The following FBLN7 variants were observed in gnomAD, a reference collection of about 807,000 sequenced individuals.
The protein encoded by FBLN7 is fibulin 7, also known as fibulin-7.
A neutral mutation model predicts 44.0 loss-of-function variants in FBLN7; 31 were observed. The ratio of observed to expected loss-of-function variants is 0.70; its 90% CI spans 0.53 to 0.95. The LOEUF (loss-of-function observed/expected upper bound fraction) is 0.95, where lower values mean the gene tolerates loss of function less well. Among genes scored for constraint, FBLN7 ranks in the 40% least tolerant of loss-of-function variants. FBLN7 has a pLI of 0.00. For missense variants in FBLN7, 573 were observed against 618.5 expected (o/e 0.93, Z 0.78); for synonymous variants, 262 against 253.4 (o/e 1.03, Z -0.32).
the FBLN7 span, among the ~76,000 whole-genome samples, chr2:112,221,405 A>G: frequency 1.3e-5 from 2 of 152,172 alleles, no homozygotes; most frequent in African/African-American, 4.8e-5. Context: ...ACCTTCTGCC[A>G]TGTCTGTAAG....
intron 4 of FBLN7, among the ~76,000 whole-genome samples, chr2:112,180,601 G>A (rs766338507): frequency 3.9e-5 from 6 of 152,102 alleles, no homozygotes; most frequent in Non-Finnish European, 5.9e-5. Context: ...CTAAATGCTC[G>A]TCAATAACAG....
intron 1 of FBLN7, among the ~76,000 whole-genome samples, chr2:112,151,117 G>A (rs1681138860): frequency 6.6e-6 from 1 of 152,204 alleles, no homozygotes; most frequent in African/African-American, 2.4e-5. Flanking sequence ...GGTGGGTGTA[G>A]CCTGGGGAGG....
intron 2 of FBLN7, among the ~76,000 whole-genome samples, chr2:112,163,848 C>T (rs959969958): frequency 6.6e-6 from 1 of 152,198 alleles, no homozygotes; most frequent in South Asian, 2.1e-4. Flanking sequence ...AACTACTTTC[C>T]ACCTCGTCCA....
At chr2:112,219,898 TA>T in the FBLN7 span, among the ~76,000 whole-genome samples, 1 of 152,228 alleles carries the variant, frequency 6.6e-6, no homozygotes, top group Non-Finnish European at 1.5e-5. Context: ...TGTGGTTATT[TA>T]AGTCACTTCA....
At chr2:112,192,947 T>C (rs986965406), downstream of FBLN7, among the ~76,000 whole-genome samples, 2 of 152,088 alleles carry the variant, frequency 1.3e-5, no homozygotes, top group African/African-American at 4.8e-5. Flanking sequence ...GGACAGAAAA[T>C]AGATGTGTAA....
chr2:112,181,620 A>G (rs1309492250), intron 4 of FBLN7, 119 bp from the exon 5 acceptor site: 23 of 1,210,998 alleles, frequency 1.9e-5, no homozygotes, highest in Non-Finnish European at 2.3e-5. Context: ...CCTACTCCAG[A>G]GTAAGCCCTT....
intron 1 of FBLN7, among the ~76,000 whole-genome samples, chr2:112,150,556 T>C (rs72831615): frequency 0.057 from 8,607 of 152,170 alleles, 339 homozygotes; most frequent in African/African-American, 0.11. Context: ...TCCACAACTA[T>C]GTCCTGAGAG....
the FBLN7 span, among the ~76,000 whole-genome samples, chr2:112,230,231 G>A: frequency 6.6e-6 from 1 of 152,072 alleles, no homozygotes; most frequent in Non-Finnish European, 1.5e-5. Flanking sequence ...TAAAGTACTG[G>A]CAAGTGTAGA....
intron 4 of FBLN7, among the ~76,000 whole-genome samples, chr2:112,179,666 T>C (rs1042182503): frequency 5.3e-5 from 8 of 152,072 alleles, no homozygotes; most frequent in African/African-American, 1.9e-4. Flanking sequence ...TGGAACGGAA[T>C]AGAGAGCACA....
At chr2:112,140,064 C>G (rs1193823985) in intron 1 of FBLN7, among the ~76,000 whole-genome samples, 109 of 88,904 alleles carry the variant, frequency 1.2e-3, no homozygotes, top group Non-Finnish European at 1.8e-3. Flanking sequence ...CCTCTCTCCA[C>G]GCCAGCGTCC....
Position 112,187,642 on chromosome 2 carries a change from C to A in FBLN7, c.*136C>A. Reference sequence around the variant, plus strand: ...CAGTGCACCCAGGCTTCTAGGGCAGCGTTGCACGGCGCCCCATGGAATAGC... The same window carrying A: ...CAGTGCACCCAGGCTTCTAGGGCAGAGTTGCACGGCGCCCCATGGAATAGC... On this transcript the variant is annotated 3_prime_UTR_variant, in exon 8 of 8. Coordinates refer to ENST00000331203, the MANE Select transcript of FBLN7 (RefSeq NM_153214.3). The surrounding 1 kb of genome is among the most constrained non-coding windows in gnomAD (Gnocchi z 5.1). 1 of 1,184,332 alleles carries A rather than the reference C, an allele frequency of 8.4e-7. No individual in the cohort carries two copies. Among genetic ancestry groups the A allele is most frequent in the Non-Finnish European group, 1.2e-6 (1 of 842,082 alleles). The allele number at this position is 1,184,332 out of a possible 1,614,324, so 73.4% of individuals were successfully genotyped here. A position where few individuals can be genotyped will look rare whatever the true frequency, so the allele number is the denominator to read the frequency against.
In FBLN7 at chr2:112,181,701, C is replaced by A. The variant is rs371149020; in HGVS notation, c.533-38C>A. On this transcript the variant is annotated intron_variant, in intron 4 of 7. Transcript: ENST00000331203. ...CCCAAGGTCGGGCCCACGGCAGGTG[C>A]GCCAGGGCCCGGCACTGAGCGTGTC... 26 of 1,351,642 alleles carry A rather than the reference C, an allele frequency of 1.9e-5. No homozygotes were observed. The South Asian group carries it at 2.7e-4, about 14-fold the overall frequency. The allele number at this position is 1,351,642 out of a possible 1,614,324, so 83.7% of individuals were successfully genotyped here.
At chr2:112,139,531 T>C (rs374228484) in intron 1 of FBLN7, among the ~76,000 whole-genome samples, 2 of 114 alleles carry the variant, frequency 0.018, no homozygotes, top group African/African-American at 0.083. Context: ...TCTCTCCAGG[T>C]CAGCGTCCCT....
At chr2:112,186,352 C>T (rs188309825) in intron 7 of FBLN7, among the ~76,000 whole-genome samples, 1 of 152,278 alleles carries the variant, frequency 6.6e-6, no homozygotes, top group Non-Finnish European at 1.5e-5. Context: ...TGAGAATACA[C>T]GTGATGGCCA....
the FBLN7 span, among the ~76,000 whole-genome samples, chr2:112,222,969 A>G: frequency 6.6e-6 from 1 of 152,238 alleles, no homozygotes; most frequent in African/African-American, 2.4e-5. Context: ...CTTTTAAAGT[A>G]TCCATCTATT....
At chr2:112,177,535 A>T (rs62158714) in intron 4 of FBLN7, 1 of 152,094 alleles carries the variant, frequency 6.6e-6, no homozygotes, top group African/African-American at 2.4e-5. Flanking sequence ...ATGATAAAAC[A>T]TATATATAAC....
the FBLN7 span, chr2:112,233,167 A>G: frequency 2.8e-6 from 2 of 720,122 alleles, no homozygotes; most frequent in Non-Finnish European, 4.4e-6. Flanking sequence ...TCATTTTGGT[A>G]TACCTAAAAC....
the FBLN7 span, among the ~76,000 whole-genome samples, chr2:112,197,900 A>G: frequency 1.3e-5 from 2 of 152,180 alleles, no homozygotes; most frequent in African/African-American, 4.8e-5. Context: ...GACTAATTTT[A>G]TAACTAGTAA....
At chr2:112,238,267 A>G in the FBLN7 span, 1 of 1,571,374 alleles carries the variant, frequency 6.4e-7, no homozygotes, top group Non-Finnish European at 8.7e-7. Flanking sequence ...GACAACTGTG[A>G]CTGCTTCTCT....
Sources: allele counts gnomAD v4.1 joint callset (sites outside exome capture counted in the v4.1 genomes callset), GRCh38; gene constraint gnomAD v4.1.1; non-coding constraint Gnocchi (gnomAD v3.1); transcripts MANE v1.5; gene names NCBI Gene and HGNC (gene_info 2026-07-23, HGNC 2026-07-21).